Variants in SRGAP2 observed in about 807,000 individuals in gnomAD.
SRGAP2 encodes the protein SLIT-ROBO Rho GTPase activating protein 2.
In SRGAP2, 15 loss-of-function variants were observed where a neutral mutation model predicts 57.2. The observed-to-expected ratio is 0.26, with a 90% CI of 0.18 to 0.40. The LOEUF is 0.40. SRGAP2 is among the 10% of genes least tolerant of loss of function. The pLI, the probability that SRGAP2 is intolerant of heterozygous loss-of-function variation, is 1.00. For missense variants in SRGAP2, 520 were observed against 669.6 expected (o/e 0.78, Z 2.47); for synonymous variants, 249 against 248.0 (o/e 1.00, Z -0.04).
intron 5 of SRGAP2, among the ~76,000 whole-genome samples, chr1:206,386,231 A>G (rs1408097817): frequency 6.6e-6 from 1 of 152,190 alleles, no homozygotes; most frequent in African/African-American, 2.4e-5. Context: ...CCACAATGTC[A>G]ATACAGAGAC....
chr1:206,453,135 C>T (rs1553376646), intron 19 of SRGAP2, 65 bp from the exon 20 acceptor site: 1 of 455,784 alleles, frequency 2.2e-6, no homozygotes, highest in East Asian at 3.5e-5. Flanking sequence ...TTCAGCTTTT[C>T]CACCCAGTTT....
chr1:206,356,001 G>A (rs1226237419), intron 4 of SRGAP2, among the ~76,000 whole-genome samples: 118 of 147,240 alleles, frequency 8.0e-4, no homozygotes, highest in African/African-American at 3.0e-3. Context: ...AAATAAAAAT[G>A]CCTCTCTGAG....
intron 2 of SRGAP2, among the ~76,000 whole-genome samples, chr1:206,274,889 GCTGTTAAGAGTGAT>G (rs1670328022): frequency 6.9e-6 from 1 of 145,446 alleles, no homozygotes; most frequent in African/African-American, 2.6e-5. Flanking sequence ...GTCCAAAAAT[GCTGTTAAGAGTGAT>G]CTTTAGGTGG....
intron 4 of SRGAP2, among the ~76,000 whole-genome samples, chr1:206,381,172 G>A (rs1655675108): frequency 6.6e-6 from 1 of 152,208 alleles, no homozygotes; most frequent in Admixed American, 6.5e-5. Flanking sequence ...ATCTGCCTGG[G>A]CTTAATTGCT....
At chr1:206,414,722 G>A (rs904191264) in intron 10 of SRGAP2, among the ~76,000 whole-genome samples, 2 of 152,126 alleles carry the variant, frequency 1.3e-5, no homozygotes, top group Admixed American at 6.5e-5. Flanking sequence ...TTGCTAGCTT[G>A]CAATGATCAG....
intron 12 of SRGAP2, among the ~76,000 whole-genome samples, chr1:206,420,072 A>G (rs896311637): frequency 6.6e-6 from 1 of 152,168 alleles, no homozygotes; most frequent in Admixed American, 6.6e-5. Flanking sequence ...TTCATCCAGC[A>G]GTTCTCAGAT....
Position 206,450,380 on chromosome 1 carries a change from T to C in SRGAP2, c.2100-6T>C, listed in dbSNP as rs1553375389. The stretch of plus-strand genomic sequence containing the variant: ...AATGTCCCTGTCACTCTTGCTTCTG[T>C]TGCAGTGATAGCCCTCATGGAGAGA... On this transcript the variant is annotated splice_region_variant and splice_polypyrimidine_tract_variant and intron_variant, in intron 18 of 22. Transcript: ENST00000573034. 1 of 780,708 alleles carries C rather than the reference T, an allele frequency of 1.3e-6. No homozygotes were observed. The highest frequency in any genetic ancestry group is 1.7e-5 in the Admixed American group (1 of 59,004). 48.4% of individuals were successfully genotyped at this position (780,708 alleles called of 1,614,324 possible).
chr1:206,364,482 G>A (rs1467082186), intron 4 of SRGAP2, among the ~76,000 whole-genome samples: 1 of 151,938 alleles, frequency 6.6e-6, no homozygotes, highest in Non-Finnish European at 1.5e-5. Context: ...TGTATATTTA[G>A]TAGAGACAGG....
At chr1:206,397,421 C>CAA (rs1657701009) in intron 7 of SRGAP2, among the ~76,000 whole-genome samples, 1 of 152,096 alleles carries the variant, frequency 6.6e-6, no homozygotes, top group South Asian at 2.1e-4. Flanking sequence ...AGTCCATTGC[C>CAA]ATCTGTGTCA....
chr1:206,279,421 CT>C (rs1670599159), intron 2 of SRGAP2, among the ~76,000 whole-genome samples: 1 of 93,850 alleles, frequency 1.1e-5, no homozygotes, highest in Non-Finnish European at 2.0e-5. Context: ...ACACTTTTTT[CT>C]TTTTTTTCTT....
chr1:206,247,040 G>A, intron 2 of SRGAP2, among the ~76,000 whole-genome samples: 1 of 142,020 alleles, frequency 7.0e-6, no homozygotes, highest in Admixed American at 7.0e-5. Context: ...TGGGAGGGAG[G>A]AGGGCTTTAT....
At chr1:206,354,156 T>C (rs1553338836) in intron 4 of SRGAP2, among the ~76,000 whole-genome samples, 1 of 152,214 alleles carries the variant, frequency 6.6e-6, no homozygotes, top group African/African-American at 2.4e-5. Flanking sequence ...TTGATTTTCC[T>C]CTTGACTTTT....
intron 18 of SRGAP2, among the ~76,000 whole-genome samples, 160 bp from the exon 19 acceptor site, chr1:206,450,226 C>A (rs1315326805): frequency 1.3e-5 from 2 of 152,166 alleles, no homozygotes; most frequent in African/African-American, 4.8e-5. Context: ...AACTCTAGAG[C>A]TTTGTATTTC....
intron 2 of SRGAP2, among the ~76,000 whole-genome samples, chr1:206,295,928 G>C (rs1203712745): frequency 8.6e-5 from 13 of 150,616 alleles, no homozygotes; most frequent in African/African-American, 3.2e-4. Flanking sequence ...TTGAGATGAG[G>C]TCTTGCTATG....
chr1:206,372,968 T>TCCTTCCTTC (rs1347274516), intron 4 of SRGAP2, among the ~76,000 whole-genome samples: 2 of 17,270 alleles, frequency 1.2e-4, no homozygotes, highest in Non-Finnish European at 2.2e-4. Context: ...TTCTTTCCTT[T>TCCTTCCTTC]CTTTCTTTCT....
intron 2 of SRGAP2, among the ~76,000 whole-genome samples, chr1:206,220,897 G>A (rs1375595834): frequency 4.0e-5 from 6 of 150,134 alleles, no homozygotes; most frequent in African/African-American, 1.5e-4. Context: ...AAGATCATGA[G>A]CTAATTTCAA....
chr1:206,266,635 A>G (rs1669866958), intron 2 of SRGAP2, among the ~76,000 whole-genome samples: 1 of 152,048 alleles, frequency 6.6e-6, no homozygotes, highest in Admixed American at 6.6e-5. Context: ...TCACTGAAGA[A>G]AAATAGATGG....
intron 3 of SRGAP2, among the ~76,000 whole-genome samples, chr1:206,309,917 TA>T (rs1386526513): frequency 2.6e-5 from 4 of 151,076 alleles, no homozygotes; most frequent in African/African-American, 9.9e-5. Context: ...TAGTAAAAGT[TA>T]CTATGAGGAG....
intron 14 of SRGAP2, among the ~76,000 whole-genome samples, chr1:206,431,082 C>T (rs1057161550): frequency 1.3e-5 from 2 of 152,180 alleles, no homozygotes; most frequent in Admixed American, 6.5e-5. Flanking sequence ...GCTATTCTCT[C>T]TCCCTCTCCT....
Sources: allele counts gnomAD v4.1 joint callset (sites outside exome capture counted in the v4.1 genomes callset), GRCh38; gene constraint gnomAD v4.1.1; transcripts MANE v1.5; gene names NCBI Gene and HGNC (gene_info 2026-07-23, HGNC 2026-07-21).